VPS13B: variants seen among roughly 807,000 people sequenced by gnomAD.
VPS13B encodes vacuolar protein sorting 13 homolog B, also known as intermembrane lipid transfer protein VPS13B.
A neutral mutation model predicts 426.4 loss-of-function variants in VPS13B; 285 were observed. The observed-to-expected ratio is 0.67, with a 90% CI of 0.61 to 0.74. The LOEUF (loss-of-function observed/expected upper bound fraction) is 0.74. Among genes scored for constraint, VPS13B ranks in the 30% least tolerant of loss-of-function variants. VPS13B has a pLI of 0.00. For missense variants in VPS13B, 4,537 were observed against 4,782.6 expected (o/e 0.95, Z 1.51); for synonymous variants, 1,676 against 1,676.4 (o/e 1.00, Z 0.01).
intron 30 of VPS13B, among the ~76,000 whole-genome samples, chr8:99,555,575 CT>C (rs2133762421): frequency 6.6e-6 from 1 of 152,158 alleles, no homozygotes; most frequent in South Asian, 2.1e-4. Flanking sequence ...TACTTTAAAA[CT>C]TTTCTGAACC....
intron 24 of VPS13B, among the ~76,000 whole-genome samples, chr8:99,475,578 C>T (rs1819648969): frequency 6.6e-6 from 1 of 152,164 alleles, no homozygotes; most frequent in Non-Finnish European, 1.5e-5. Flanking sequence ...AAATGTAATA[C>T]TTTGGCTCAA....
intron 2 of VPS13B, 129 bp downstream of exon 2, chr8:99,014,064 T>G: frequency 2.0e-6 from 2 of 1,024,980 alleles, no homozygotes; most frequent in South Asian, 2.9e-5. Flanking sequence ...TGAGCTACCC[T>G]GAAACAAGGG....
Position 99,690,282 on chromosome 8 carries a change from C to T in VPS13B, c.6047-9243C>T, listed in dbSNP as rs187728977. Among the ~76,000 whole-genome samples the T allele has an allele frequency of 3.6e-4, 55 of 152,226 alleles. No homozygotes were observed. In the East Asian group the frequency reaches 0.01, roughly 29 times the overall value. Reference sequence around the variant, plus strand: ...AATGAAGTTGAACCCCTACCTCATACAGTATACACACAGCACTAATTCAGG... The same window carrying T: ...AATGAAGTTGAACCCCTACCTCATATAGTATACACACAGCACTAATTCAGG... On this transcript the variant is annotated intron_variant, in intron 35 of 61. Coordinates refer to ENST00000357162, the MANE Select transcript of VPS13B (RefSeq NM_152564.5).
intron 17 of VPS13B, among the ~76,000 whole-genome samples, chr8:99,230,223 T>C (rs999300592): frequency 2.2e-4 from 33 of 152,198 alleles, no homozygotes; most frequent in African/African-American, 8.0e-4. Flanking sequence ...AAAATGCTTG[T>C]GTAGGAATTT....
At chr8:99,048,109 A>G (rs1324433210) in intron 3 of VPS13B, among the ~76,000 whole-genome samples, 2 of 152,220 alleles carry the variant, frequency 1.3e-5, no homozygotes, top group Admixed American at 6.5e-5. Context: ...TGTTGACCCA[A>G]TGATCACTCA....
chr8:99,860,671 T>G lies in VPS13B; in HGVS notation c.11045-1105T>G, dbSNP rs76766645. On this transcript the variant is annotated intron_variant, in intron 57 of 61. Coordinates refer to ENST00000357162, the MANE Select transcript of VPS13B (RefSeq NM_152564.5). Reference sequence around the variant, plus strand: ...CAGCTGCAAAAACGACATTGAGCATTTCTTCCTGAAACTGGACCTGCAATA... The same window carrying G: ...CAGCTGCAAAAACGACATTGAGCATGTCTTCCTGAAACTGGACCTGCAATA... Among the ~76,000 whole-genome samples the G allele has an allele frequency of 2.5e-3, 388 of 152,362 alleles. 13 individuals are homozygous for G. The East Asian group carries it at 0.063, about 25-fold the overall frequency.
At chr8:99,698,197 G>C (rs1243490916) in intron 35 of VPS13B, among the ~76,000 whole-genome samples, 1 of 152,200 alleles carries the variant, frequency 6.6e-6, no homozygotes, top group Non-Finnish European at 1.5e-5. Context: ...ACTTAGTCTG[G>C]AATCCCAGAA....
intron 12 of VPS13B, among the ~76,000 whole-genome samples, chr8:99,137,516 A>G (rs957396207): frequency 3.3e-5 from 5 of 151,954 alleles, no homozygotes; most frequent in African/African-American, 4.8e-5. Context: ...TAGTATAGAG[A>G]ACTAGAAGTG....
Position 99,274,281 on chromosome 8 carries a change from A to G in VPS13B, c.2599A>G (p.Lys867Glu). Residue 867 changes from lysine (K) to glutamate (E), a missense_variant, in exon 18 of 62, where the codon AAA (lysine) becomes GAA (glutamate). Lys to Glu is a moderately conservative substitution (Grantham distance 56, BLOSUM62 1). Around this residue, in one of 2 missense-constraint regions of VPS13B, gnomAD observed 4,311 missense variants for 4,474.3 expected, o/e 0.96. Transcript: ENST00000357162. ...ELKYCSTSLVKCASGTMGSIK... is the reference protein window; with the variant it reads ...ELKYCSTSLVECASGTMGSIK... ...GAAGTACTGCAGCACATCATTGGTC[A>G]AATGTGCCTCTGGGACCATGGGATC... The G allele has an allele frequency of 6.2e-7, 1 of 1,614,174 alleles. No homozygotes were observed. Among genetic ancestry groups the G allele is most frequent in the East Asian group, 2.2e-5 (1 of 44,870 alleles).
At chr8:99,171,658 G>A (rs903575080) in intron 16 of VPS13B, among the ~76,000 whole-genome samples, 1 of 151,894 alleles carries the variant, frequency 6.6e-6, no homozygotes, top group Admixed American at 6.6e-5. Flanking sequence ...ATCACAGAAT[G>A]CCAATATTTT....
intron 39 of VPS13B, among the ~76,000 whole-genome samples, chr8:99,722,340 C>T (rs1024933012): frequency 2.0e-5 from 3 of 152,186 alleles, no homozygotes; most frequent in Admixed American, 2.0e-4. Context: ...GATCTTTCTA[C>T]TGTTAGAAAA....
chr8:99,202,948 G>A (rs1009002290), intron 17 of VPS13B, among the ~76,000 whole-genome samples: 38 of 151,900 alleles, frequency 2.5e-4, no homozygotes, highest in African/African-American at 8.7e-4. Context: ...GCAGGAGAAT[G>A]GCGCGAACCC....
intron 15 of VPS13B, among the ~76,000 whole-genome samples, chr8:99,162,718 G>A (rs2132642046): frequency 6.6e-6 from 1 of 152,338 alleles, no homozygotes; most frequent in African/African-American, 2.4e-5. Context: ...CGCGGTGAGT[G>A]TTACAGCTCA....
At chr8:99,768,506 A>G (rs1310741942) in intron 40 of VPS13B, among the ~76,000 whole-genome samples, 1 of 152,218 alleles carries the variant, frequency 6.6e-6, no homozygotes, top group African/African-American at 2.4e-5. Flanking sequence ...TCATTGAAGA[A>G]CATTTGGAAA....
At position 99,784,303 on chromosome 8, in the gene VPS13B, T is replaced by G; in HGVS notation, c.7780-12T>G. 1 of 1,613,416 alleles carries G rather than the reference T, an allele frequency of 6.2e-7. No homozygotes were observed. Among genetic ancestry groups the G allele is most frequent in the Non-Finnish European group, 8.5e-7 (1 of 1,179,486 alleles). On this transcript the variant is annotated splice_polypyrimidine_tract_variant and intron_variant, in intron 42 of 61. Coordinates refer to ENST00000357162, the MANE Select transcript of VPS13B (RefSeq NM_152564.5). ...CCGATCCATGTTGGCTTTCGTATCC[T>G]TTTTCTTTCAGAACAAATGCCCTGA...
intron 39 of VPS13B, among the ~76,000 whole-genome samples, 173 bp from the exon 40 acceptor site, chr8:99,766,601 A>G (rs1811240235): frequency 6.6e-6 from 1 of 152,234 alleles, no homozygotes. Context: ...AAAAATAAAC[A>G]GGATGAATAT....
At chr8:99,874,236 TG>T (rs1430698187) in intron 61 of VPS13B, among the ~76,000 whole-genome samples, 2 of 152,194 alleles carry the variant, frequency 1.3e-5, no homozygotes, top group Admixed American at 1.3e-4. Context: ...AAACTTTTTG[TG>T]TATTCAAAGC....
At chr8:99,321,217 T>C (rs905470353) in intron 19 of VPS13B, among the ~76,000 whole-genome samples, 5 of 147,118 alleles carry the variant, frequency 3.4e-5, no homozygotes, top group Non-Finnish European at 6.0e-5. Context: ...TTTCTTTTTT[T>C]TTTTTTTTTT....
At chr8:99,743,061 G>A (rs1227709855) in intron 39 of VPS13B, among the ~76,000 whole-genome samples, 2 of 152,188 alleles carry the variant, frequency 1.3e-5, no homozygotes, top group African/African-American at 2.4e-5. Flanking sequence ...CGACATGATT[G>A]TATATCTAGA....
Sources: allele counts gnomAD v4.1 joint callset (sites outside exome capture counted in the v4.1 genomes callset), GRCh38; gene constraint gnomAD v4.1.1; regional missense constraint gnomAD v4.1.1; transcripts MANE v1.5; gene names NCBI Gene and HGNC (gene_info 2026-07-23, HGNC 2026-07-21).